EPG5: variants seen among roughly 807,000 people sequenced by gnomAD.
EPG5 encodes ectopic P-granules 5 autophagy tethering factor.
In EPG5, 159 loss-of-function variants were observed where a neutral mutation model predicts 302.7. That is an observed-to-expected ratio of 0.53 (90% CI 0.46 to 0.60). EPG5 has a LOEUF of 0.60. Among genes scored for constraint, EPG5 ranks in the 20% least tolerant of loss-of-function variants. The pLI is 0.00. For missense variants in EPG5, 2,896 were observed against 3,092.4 expected, an observed-to-expected ratio of 0.94 and a Z score of 1.51; for synonymous variants, 1,158 against 1,136.8, an observed-to-expected ratio of 1.02 and a Z score of -0.37.
chr18:45,895,558 TGAA>T (rs1372545090), intron 27 of EPG5, among the ~76,000 whole-genome samples: 1 of 152,176 alleles, frequency 6.6e-6, no homozygotes, highest in East Asian at 1.9e-4. Context: ...TGATGTCATA[TGAA>T]GAAGAGAATC....
chr18:45,933,431 CGTTTTGGGAG>C (rs1253787992), intron 11 of EPG5, among the ~76,000 whole-genome samples: 2 of 152,144 alleles, frequency 1.3e-5, no homozygotes, highest in Non-Finnish European at 2.9e-5. Context: ...ATTATCCCAG[CGTTTTGGGAG>C]GCCAAGGCAG....
intron 14 of EPG5, 136 bp from the exon 15 acceptor site, chr18:45,923,523 C>T (rs930885781): frequency 2.2e-6 from 2 of 911,518 alleles, no homozygotes; most frequent in Admixed American, 2.8e-5. Flanking sequence ...AATCACATCC[C>T]ACACAGTCAA....
In EPG5 at chr18:45,852,280, AACAC is replaced by A. The variant is rs112643058; in HGVS notation, c.*183_*186del. On this transcript the variant is annotated 3_prime_UTR_variant, in exon 44 of 44. Transcript: ENST00000282041. ...CCCAGAAGGTCTTAAGAGCTAAGAA[AACAC>A]ACACACACACACACACACACCCCAA... 906 of 478,640 alleles carry A rather than the reference AACAC, an allele frequency of 1.9e-3. No individual in the cohort carries two copies. Among genetic ancestry groups the A allele is most frequent in the Middle Eastern group, 3.8e-3 (7 of 1,836 alleles). 29.6% of individuals were successfully genotyped at this position (478,640 alleles called of 1,614,324 possible).
the EPG5 span, among the ~76,000 whole-genome samples, chr18:45,819,753 C>T: frequency 3.3e-5 from 5 of 152,256 alleles, no homozygotes; most frequent in South Asian, 2.1e-4. Context: ...TTCTGTCTAA[C>T]TCTTGAACTC....
chr18:45,901,840 G>A (rs1286402682), intron 25 of EPG5, among the ~76,000 whole-genome samples: 2 of 151,638 alleles, frequency 1.3e-5, no homozygotes, highest in Non-Finnish European at 2.9e-5. Flanking sequence ...GATTACACAT[G>A]ATCTCATACT....
In EPG5 at chr18:45,908,726, G is replaced by A. The variant is rs143344613; in HGVS notation, c.4206-645C>T. On this transcript the variant is annotated intron_variant, in intron 23 of 43. Coordinates refer to ENST00000282041, the MANE Select transcript of EPG5 (RefSeq NM_020964.3). ...AGTACTTTGGAAGGCCAAGGCGGGCGGATCACAAGGTCAGGAGTTCGAGAT... is the reference window on the plus strand; with the variant it reads ...AGTACTTTGGAAGGCCAAGGCGGGCAGATCACAAGGTCAGGAGTTCGAGAT... Among the ~76,000 whole-genome samples the A allele has an allele frequency of 4.0e-4, 61 of 152,240 alleles. 1 individual carries two copies. In the East Asian group the frequency reaches 0.01, roughly 26 times the overall value.
Position 45,860,312 on chromosome 18 carries a change from G to T in EPG5, c.6801C>A (p.Ser2267Arg). 1 of 1,614,240 alleles carries T rather than the reference G, an allele frequency of 6.2e-7. No homozygotes were observed. Among genetic ancestry groups the T allele is most frequent in the Non-Finnish European group, 8.5e-7 (1 of 1,180,040 alleles). The part of the protein sequence containing the change: ...MDSQTRHMAL[S>R]SLFMEVLMMM... ...TCATCAGGACTTCCATAAAGAGGCT[G>T]CTGAGGGCCATGTGGCGGGTCTGGC... The change falls in exon 40 of 44, where the codon AGC (serine) becomes AGA (arginine). Residue 2267 changes from serine (S) to arginine (R), a missense_variant. Ser to Arg is a moderately radical substitution (Grantham distance 110). Coordinates refer to ENST00000282041, the MANE Select transcript of EPG5 (RefSeq NM_020964.3).
intron 29 of EPG5, among the ~76,000 whole-genome samples, chr18:45,885,628 T>G (rs964495915): frequency 2.0e-5 from 3 of 152,040 alleles, no homozygotes; most frequent in Non-Finnish European, 4.4e-5. Context: ...AAGCAAAAAT[T>G]GAAACAATTT....
the EPG5 span, chr18:45,839,111 ACACG>A: frequency 9.5e-6 from 13 of 1,368,760 alleles, no homozygotes; most frequent in Non-Finnish European, 1.1e-5. Flanking sequence ...TGCGCCCCAG[ACACG>A]GGTGGCCGCG....
At chr18:45,912,181 C>T in intron 22 of EPG5, 109 bp downstream of exon 22, 1 of 1,028,922 alleles carries the variant, frequency 9.7e-7, no homozygotes, top group Non-Finnish European at 1.4e-6. Flanking sequence ...CACCAGAGAT[C>T]ACCAAAGAAT....
chr18:45,952,413 G>C lies in EPG5; in HGVS notation c.1239C>G (p.His413Gln). 1.2e-6 allele frequency: 2 copies of C among 1,613,952 alleles called. No individual in the cohort carries two copies. Among genetic ancestry groups the C allele is most frequent in the Non-Finnish European group, 1.7e-6 (2 of 1,179,994 alleles). Residue 413 changes from histidine (H) to glutamine (Q), a missense_variant, in exon 3 of 44, where the codon CAC (histidine) becomes CAG (glutamine). Coordinates refer to ENST00000282041, the MANE Select transcript of EPG5 (RefSeq NM_020964.3). ...TTACTTACATACCTCGGCCTTGCTG[G>C]TGAATTGCTGAAGATCTCAGAACAG... ...SSAVLRSSAI[H>Q]QQGRASKQTE...
Position 45,904,124 on chromosome 18 carries a change from C to T in EPG5, c.4330-7G>A. 2 of 1,608,352 alleles carry T rather than the reference C, an allele frequency of 1.2e-6. No homozygotes were observed. The highest frequency in any genetic ancestry group is 1.7e-6 in the Non-Finnish European group (2 of 1,178,742). On this transcript the variant is annotated splice_polypyrimidine_tract_variant and splice_region_variant and intron_variant, in intron 24 of 43. Coordinates refer to ENST00000282041, the MANE Select transcript of EPG5 (RefSeq NM_020964.3). ...AATACTCCATCCACAGATCCTGAAA[C>T]AGAACGACAGTACTTTAACTCTGAC... is the stretch of plus-strand genomic sequence containing the variant.
rs2050994736 is a variant in EPG5 at position 45,955,024 on chromosome 18, G to A, written c.378C>T (p.Asp126=). The change falls in exon 2 of 44, where the codon GAC becomes GAT. Residue 126 remains aspartate (D), a synonymous_variant. Transcript: ENST00000282041. ...GGGTTTCTACTTTAGTTCCAACATTGTCTCCAGGGTGGACCTTTGGAGTGA... is the reference window on the plus strand; with the variant it reads ...GGGTTTCTACTTTAGTTCCAACATTATCTCCAGGGTGGACCTTTGGAGTGA... ...SAVTPKVHPG[D]NVGTKVETPK... The A allele has an allele frequency of 6.2e-7, 1 of 1,614,114 alleles. No homozygotes were observed. The highest frequency in any genetic ancestry group is 8.5e-7 in the Non-Finnish European group (1 of 1,180,020).
chr18:45,960,110 C>G (rs1274443281), intron 1 of EPG5, among the ~76,000 whole-genome samples: 2 of 152,130 alleles, frequency 1.3e-5, no homozygotes, highest in African/African-American at 4.8e-5. Flanking sequence ...GAGATCCCAT[C>G]TTTATCTTTA....
At chr18:45,821,294 G>A in the EPG5 span, among the ~76,000 whole-genome samples, 1 of 152,140 alleles carries the variant, frequency 6.6e-6, no homozygotes, top group Admixed American at 6.5e-5. Context: ...CAGCAATGTG[G>A]GGCAGTGCCA....
intron 28 of EPG5, 39 bp downstream of exon 28, chr18:45,889,759 C>T (rs2049298643): frequency 6.4e-7 from 1 of 1,574,782 alleles, no homozygotes; most frequent in Middle Eastern, 2.1e-4. Context: ...TTCATGATAA[C>T]AAAACAGTAT....
At chr18:45,821,314 A>G in the EPG5 span, among the ~76,000 whole-genome samples, 1 of 152,252 alleles carries the variant, frequency 6.6e-6, no homozygotes, top group Non-Finnish European at 1.5e-5. Context: ...AAGGATATCT[A>G]AAACAAACTA....
At position 45,929,814 on chromosome 18, in the gene EPG5, A is replaced by G. The variant is rs543959923; in HGVS notation, c.2413-805T>C. 2.0e-5 allele frequency among the ~76,000 whole-genome samples: 3 copies of G among 152,354 alleles called. 1 individual carries two copies. The highest frequency in any genetic ancestry group is 7.2e-5 in the African/African-American group (3 of 41,580). On this transcript the variant is annotated intron_variant, in intron 12 of 43. Transcript: ENST00000282041. ...ATCTTAACTTTATGCATGGTTATGAAGTACCAGTATAGGAACAGCTGAATC... is the reference window on the plus strand; with the variant it reads ...ATCTTAACTTTATGCATGGTTATGAGGTACCAGTATAGGAACAGCTGAATC...
chr18:45,885,168 G>A (rs147173672), intron 29 of EPG5, among the ~76,000 whole-genome samples: 569 of 152,046 alleles, frequency 3.7e-3, no homozygotes, highest in African/African-American at 0.013. Context: ...GTGAAACCCC[G>A]TCTCTACTAA....
Sources: allele counts gnomAD v4.1 joint callset (sites outside exome capture counted in the v4.1 genomes callset), GRCh38; gene constraint gnomAD v4.1.1; transcripts MANE v1.5; gene names NCBI Gene and HGNC (gene_info 2026-07-23, HGNC 2026-07-21).